NALCN: variants seen among roughly 807,000 people sequenced by gnomAD.
The protein encoded by NALCN is sodium leak channel NALCN.
In NALCN, 111 loss-of-function variants were observed where a neutral mutation model predicts 225.3. The observed-to-expected ratio is 0.49, with a 90% confidence interval of 0.42 to 0.58. NALCN has a LOEUF of 0.58. Ranked by LOEUF, NALCN falls within the 20% of genes least tolerant of loss-of-function variation. NALCN has a pLI of 0.00. For missense variants in NALCN, 1,378 were observed against 2,202.4 expected (o/e 0.63, Z 7.49); for synonymous variants, 764 against 769.0 (o/e 0.99, Z 0.11).
chr13:101,367,113 CTTTT>C (rs1219423425), intron 6 of NALCN, among the ~76,000 whole-genome samples: 1 of 151,544 alleles, frequency 6.6e-6, no homozygotes, highest in African/African-American at 2.4e-5. Flanking sequence ...GACAGAATTT[CTTTT>C]TTTATTTTTT....
Position 101,095,660 on chromosome 13 carries a change from G to A in NALCN, c.3183C>T (p.Phe1061=), listed in dbSNP as rs150705692. ...TCTTTGACACACTGACATTAATTCT[G>A]AATATGCCATTGCAATCTTCCTAAA... ...IIRREDCNGI[F]RINVSVSKNL... Residue 1061 remains phenylalanine, a synonymous_variant, in exon 28 of 44, where the codon TTC becomes TTT. Transcript: ENST00000251127. The A allele has an allele frequency of 1.2e-5, 20 of 1,612,400 alleles. No individual in the cohort carries two copies. The highest frequency in any genetic ancestry group is 1.4e-5 in the Non-Finnish European group (17 of 1,179,342).
At chr13:101,375,102 C>T (rs1310541909) in intron 6 of NALCN, among the ~76,000 whole-genome samples, 3 of 151,972 alleles carry the variant, frequency 2.0e-5, no homozygotes, top group African/African-American at 7.3e-5. Flanking sequence ...TTCTTTATTG[C>T]TCTTTCCTTT....
At chr13:101,216,920 A>G (rs972253250) in intron 13 of NALCN, among the ~76,000 whole-genome samples, 2 of 152,196 alleles carry the variant, frequency 1.3e-5, no homozygotes, top group Non-Finnish European at 2.9e-5. Flanking sequence ...GAAAACCTAT[A>G]TCAAATAAAT....
chr13:101,187,384 T>G (rs947354387), intron 14 of NALCN, among the ~76,000 whole-genome samples: 1 of 152,158 alleles, frequency 6.6e-6, no homozygotes, highest in African/African-American at 2.4e-5. Flanking sequence ...AGGACTACTA[T>G]ATATACAATT....
intron 15 of NALCN, among the ~76,000 whole-genome samples, chr13:101,170,166 T>C (rs990075953): frequency 2.6e-4 from 39 of 152,342 alleles, no homozygotes; most frequent in East Asian, 3.9e-4. Flanking sequence ...TTTTAAGGTA[T>C]TGGCTCATGT....
chr13:101,260,642 TA>T (rs1256657675), intron 10 of NALCN, among the ~76,000 whole-genome samples: 1 of 152,250 alleles, frequency 6.6e-6, no homozygotes, highest in Non-Finnish European at 1.5e-5. Flanking sequence ...CACCTTTTCA[TA>T]TGCCTGTTTG....
chr13:101,276,929 T>C (rs2138968338), intron 10 of NALCN, among the ~76,000 whole-genome samples: 1 of 152,250 alleles, frequency 6.6e-6, no homozygotes, highest in African/African-American at 2.4e-5. Context: ...TTGAAATATA[T>C]AAAATCCTAA....
At chr13:101,236,767 G>T (rs997526650) in intron 12 of NALCN, among the ~76,000 whole-genome samples, 7 of 123,824 alleles carry the variant, frequency 5.7e-5, no homozygotes, top group Non-Finnish European at 1.2e-4. Context: ...CCTGTTGTGG[G>T]GTGGGGGGAG....
At chr13:101,267,785 T>C (rs575060241) in intron 10 of NALCN, among the ~76,000 whole-genome samples, 33 of 152,314 alleles carry the variant, frequency 2.2e-4, no homozygotes, top group Non-Finnish European at 4.1e-4. Context: ...TGGCTCAGAC[T>C]AGCAGGGCTG....
intron 7 of NALCN, among the ~76,000 whole-genome samples, chr13:101,329,970 A>G (rs2045102392): frequency 6.6e-6 from 1 of 151,554 alleles, no homozygotes; most frequent in African/African-American, 2.4e-5. Context: ...ACCCGGGAGG[A>G]GGAGGCTGCA....
intron 10 of NALCN, among the ~76,000 whole-genome samples, chr13:101,279,898 C>T (rs906660836): frequency 5.3e-5 from 8 of 151,168 alleles, no homozygotes; most frequent in Admixed American, 2.6e-4. Flanking sequence ...GTATATGCTC[C>T]TGTTCAGCCT....
intron 13 of NALCN, among the ~76,000 whole-genome samples, chr13:101,220,061 C>A (rs1444162898): frequency 6.6e-6 from 1 of 152,222 alleles, no homozygotes; most frequent in Non-Finnish European, 1.5e-5. Context: ...CTCCCATGTG[C>A]TTCCACACTT....
intron 17 of NALCN, among the ~76,000 whole-genome samples, chr13:101,132,900 C>T (rs1594274403): frequency 6.6e-6 from 1 of 152,086 alleles, no homozygotes; most frequent in African/African-American, 2.4e-5. Context: ...AATGCAAAAT[C>T]GAAACTAACC....
intron 43 of NALCN, chr13:101,056,864 T>C (rs1461220699): frequency 2.6e-5 from 4 of 152,192 alleles, no homozygotes; most frequent in African/African-American, 9.7e-5. Context: ...CAGGATAAAA[T>C]TGAACCGACT....
At chr13:101,258,319 T>C (rs925227559) in intron 11 of NALCN, 124 bp downstream of exon 11, 28 of 1,351,254 alleles carry the variant, frequency 2.1e-5, no homozygotes, top group Admixed American at 2.2e-5. Context: ...AAGCAGACAA[T>C]GATTCAGCTT....
At chr13:101,373,087 T>C (rs900515612) in intron 6 of NALCN, 4 of 391,560 alleles carry the variant, frequency 1.0e-5, no homozygotes, top group African/African-American at 6.4e-5. Flanking sequence ...ATTATAAAAA[T>C]AGGTAAGCTC....
intron 2 of NALCN, among the ~76,000 whole-genome samples, chr13:101,396,359 T>A (rs2047292903): frequency 6.6e-6 from 1 of 152,102 alleles, no homozygotes; most frequent in Non-Finnish European, 1.5e-5. Flanking sequence ...ATAATCCAAA[T>A]ACGTTTTTAT....
intron 20 of NALCN, among the ~76,000 whole-genome samples, chr13:101,109,726 G>A (rs964810777): frequency 6.6e-6 from 1 of 152,030 alleles, no homozygotes; most frequent in Non-Finnish European, 1.5e-5. Flanking sequence ...TCTTTGCATG[G>A]TATAGCTGCT....
chr13:101,394,602 C>A (rs1258491340), intron 3 of NALCN, among the ~76,000 whole-genome samples: 1 of 152,122 alleles, frequency 6.6e-6, no homozygotes, highest in Non-Finnish European at 1.5e-5. Context: ...TCTTCCTTTT[C>A]TTTCCCTTTC....
Sources: gnomAD v4.1 joint callset for allele counts (sites outside exome capture counted in the v4.1 genomes callset) on GRCh38, gnomAD v4.1.1 for gene constraint, MANE v1.5 for transcripts, NCBI Gene and HGNC (gene_info 2026-07-23, HGNC 2026-07-21) for gene names.